MYO16: variants seen among roughly 807,000 people sequenced by gnomAD.
The protein encoded by MYO16 is unconventional myosin-XVI.
Under a neutral mutation model 205.3 loss-of-function variants are expected in MYO16, and 94 were observed. The ratio of observed to expected loss-of-function variants is 0.46; its 90% confidence interval spans 0.39 to 0.54. MYO16 has a LOEUF of 0.54. Ranked by LOEUF, MYO16 falls within the 20% of genes least tolerant of loss-of-function variation. The pLI, the probability that MYO16 is intolerant of heterozygous loss-of-function variation, is 0.00. For missense variants in MYO16, 2,315 were observed against 2,387.5 expected, an observed-to-expected ratio of 0.97 and a Z score of 0.63; for synonymous variants, 988 against 954.0, an observed-to-expected ratio of 1.04 and a Z score of -0.66.
At chr13:108,873,753 C>T (rs1026792855) in intron 12 of MYO16, among the ~76,000 whole-genome samples, 11 of 149,494 alleles carry the variant, frequency 7.4e-5, no homozygotes, top group Non-Finnish European at 1.2e-4. Context: ...AGGGTCCATC[C>T]CAACCAACCA....
intron 7 of MYO16, among the ~76,000 whole-genome samples, chr13:108,818,627 A>G (rs995646950): frequency 1.3e-5 from 2 of 152,144 alleles, no homozygotes; most frequent in South Asian, 4.1e-4. Flanking sequence ...TTTTGGAAAT[A>G]TTGGTCAGAA....
At chr13:108,789,072 A>G (rs1274672340) in intron 5 of MYO16, among the ~76,000 whole-genome samples, 1 of 152,114 alleles carries the variant, frequency 6.6e-6, no homozygotes, top group Non-Finnish European at 1.5e-5. Flanking sequence ...TTATCTTTCC[A>G]GACCTTCACT....
At chr13:108,894,202 C>T (rs1222192357) in intron 14 of MYO16, among the ~76,000 whole-genome samples, 1 of 152,072 alleles carries the variant, frequency 6.6e-6, no homozygotes, top group Non-Finnish European at 1.5e-5. Context: ...AAAACTGCCC[C>T]CATGACTCAA....
At chr13:108,964,619 T>G in intron 19 of MYO16, 142 bp from the exon 20 acceptor site, 1 of 879,552 alleles carries the variant, frequency 1.1e-6, no homozygotes, top group Middle Eastern at 2.5e-4. Context: ...GACGGAGACC[T>G]CATTTATGAG....
Position 109,055,168 on chromosome 13 carries a change from A to G in MYO16, c.3129+42A>G, listed in dbSNP as rs766715569. 34 of 1,458,314 alleles carry G rather than the reference A, an allele frequency of 2.3e-5. No individual in the cohort carries two copies. In the Middle Eastern group the frequency reaches 1.4e-3, roughly 60 times the overall value. The allele number at this position is 1,458,314 out of a possible 1,614,324, so 90.3% of individuals were successfully genotyped here. ...GATTTCAAAAACTTAATGTATGTTT[A>G]TAGCAACTAAAGAGGGTTTATGTAG... is the stretch of plus-strand genomic sequence containing the variant. On this transcript the variant is annotated intron_variant, in intron 26 of 34. Coordinates refer to ENST00000457511, the MANE Select transcript of MYO16 (RefSeq NM_001198950.3). The surrounding 1 kb of genome is among the most constrained non-coding windows in gnomAD (Gnocchi z 5.0).
chr13:108,755,337 A>G (rs1885387732), intron 4 of MYO16, among the ~76,000 whole-genome samples: 1 of 152,170 alleles, frequency 6.6e-6, no homozygotes, highest in African/African-American at 2.4e-5. Flanking sequence ...ATTTTGCTGA[A>G]TAAGTAAATG....
chr13:108,503,826 T>C, the MYO16 span, among the ~76,000 whole-genome samples: 1 of 152,118 alleles, frequency 6.6e-6, no homozygotes, highest in Non-Finnish European at 1.5e-5. Flanking sequence ...AGTAAATCAT[T>C]GCAAAGTAAC....
At chr13:108,955,014 G>A (rs1883294624) in intron 16 of MYO16, among the ~76,000 whole-genome samples, 1 of 152,168 alleles carries the variant, frequency 6.6e-6, no homozygotes, top group African/African-American at 2.4e-5. Context: ...CTCCGCAGCT[G>A]TGTCCCTTCT....
intron 4 of MYO16, among the ~76,000 whole-genome samples, chr13:108,767,451 C>T (rs900617456): frequency 4.0e-5 from 6 of 151,512 alleles, no homozygotes; most frequent in Admixed American, 2.0e-4. Context: ...CTCTTTTATA[C>T]ATCTCAGGAC....
chr13:109,183,535 A>C (rs1408523707), intron 34 of MYO16, among the ~76,000 whole-genome samples: 2 of 152,214 alleles, frequency 1.3e-5, no homozygotes, highest in Admixed American at 1.3e-4. Flanking sequence ...CATTAAGCAT[A>C]GGCTATCTCT....
At chr13:108,880,342 G>A (rs1441467803) in intron 12 of MYO16, among the ~76,000 whole-genome samples, 1 of 152,132 alleles carries the variant, frequency 6.6e-6, no homozygotes, top group African/African-American at 2.4e-5. Flanking sequence ...AGTTTCTTTT[G>A]CTGTGCAGAA....
At chr13:108,657,509 G>T (rs1881298304) in intron 1 of MYO16, among the ~76,000 whole-genome samples, 1 of 152,192 alleles carries the variant, frequency 6.6e-6, no homozygotes, top group Non-Finnish European at 1.5e-5. Context: ...TTGGTTGTAG[G>T]AAAGATGATT....
intron 2 of MYO16, among the ~76,000 whole-genome samples, chr13:108,705,784 G>GA (rs1157181400): frequency 1.3e-5 from 2 of 151,990 alleles, no homozygotes; most frequent in Non-Finnish European, 2.9e-5. Context: ...CACATGAAAC[G>GA]AAAAAATTCC....
intron 34 of MYO16, among the ~76,000 whole-genome samples, chr13:109,206,300 G>A (rs570028890): frequency 4.6e-5 from 7 of 152,292 alleles, no homozygotes; most frequent in Admixed American, 4.6e-4. Flanking sequence ...CCATAAGAAT[G>A]TACACAGTAA....
intron 12 of MYO16, among the ~76,000 whole-genome samples, chr13:108,879,516 C>T (rs1239893452): frequency 6.6e-6 from 1 of 152,114 alleles, no homozygotes; most frequent in Non-Finnish European, 1.5e-5. Flanking sequence ...TCCCCACTCC[C>T]CCAACCCCAG....
the MYO16 span, among the ~76,000 whole-genome samples, chr13:108,527,135 C>T: frequency 1.3e-5 from 2 of 152,152 alleles, no homozygotes; most frequent in Non-Finnish European, 2.9e-5. Context: ...TGAACAAGCA[C>T]GGCTTTCTAA....
intron 2 of MYO16, among the ~76,000 whole-genome samples, chr13:108,695,523 T>A (rs1261298895): frequency 2.0e-5 from 3 of 151,744 alleles, no homozygotes; most frequent in Non-Finnish European, 4.4e-5. Flanking sequence ...TGCAATCTCA[T>A]ATGAATTTTA....
intron 23 of MYO16, among the ~76,000 whole-genome samples, chr13:109,023,667 G>GTATATATGCATATATA (rs1454571399): frequency 9.3e-5 from 5 of 53,548 alleles, no homozygotes; most frequent in Admixed American, 2.1e-4. Context: ...ATGTATATAT[G>GTATATATGCATATATA]CAAATATATG....
chr13:109,025,661 T>C (rs956248654), intron 23 of MYO16, among the ~76,000 whole-genome samples: 7 of 152,216 alleles, frequency 4.6e-5, no homozygotes, highest in Non-Finnish European at 1.0e-4. Flanking sequence ...AGAATGTGTC[T>C]AATTTTATTG....
Sources: allele counts gnomAD v4.1 joint callset (sites outside exome capture counted in the v4.1 genomes callset), GRCh38; gene constraint gnomAD v4.1.1; non-coding constraint Gnocchi (gnomAD v3.1); transcripts MANE v1.5; gene names NCBI Gene and HGNC (gene_info 2026-07-23, HGNC 2026-07-21).